The following SAE1 variants were observed in gnomAD, a reference collection of about 807,000 sequenced individuals.
SAE1 encodes the protein SUMO-activating enzyme subunit 1.
SAE1 carries 11 observed loss-of-function variants against 40.6 expected under a neutral mutation model. The ratio of observed to expected loss-of-function variants is 0.27; its 90% CI spans 0.17 to 0.45. The LOEUF (loss-of-function observed/expected upper bound fraction) is 0.45. Ranked by LOEUF, SAE1 falls within the 20% of genes least tolerant of loss-of-function variation. SAE1 has a pLI of 1.00. For synonymous variants in SAE1, 155 were observed against 154.3 expected, an observed-to-expected ratio of 1.00 and a Z score of -0.03; for missense variants, 373 against 427.3, an observed-to-expected ratio of 0.87 and a Z score of 1.12.
intron 5 of SAE1, among the ~76,000 whole-genome samples, chr19:47,159,562 T>C (rs2058345591): frequency 6.6e-6 from 1 of 152,036 alleles, no homozygotes; most frequent in Non-Finnish European, 1.5e-5. Context: ...TTTTTTTTTT[T>C]TTTCTTTGAA....
At chr19:47,206,351 A>C (rs2058686609) in intron 8 of SAE1, among the ~76,000 whole-genome samples, 1 of 152,220 alleles carries the variant, frequency 6.6e-6, no homozygotes, top group Admixed American at 6.6e-5. Flanking sequence ...GCCTTCAGCC[A>C]GCTGGCAGGC....
In SAE1 at chr19:47,209,594, G is replaced by A; in HGVS notation, c.*343G>A. The A allele has an allele frequency of 5.8e-6, 2 of 346,444 alleles. No individual in the cohort carries two copies. The highest frequency in any genetic ancestry group is 1.0e-5 in the Non-Finnish European group (2 of 190,792). The allele number at this position is 346,444 out of a possible 1,614,324, so 21.5% of individuals were successfully genotyped here. A position where few individuals can be genotyped will look rare whatever the true frequency, so the allele number is the denominator to read the frequency against. On this transcript the variant is annotated 3_prime_UTR_variant, in exon 9 of 9. Transcript: ENST00000270225. Reference sequence around the variant, plus strand: ...CTCGCCAGCCCTCTGGGGCATTGTGGGAGATGCCTGCCAGGAATGAGCAAG... The same window carrying A: ...CTCGCCAGCCCTCTGGGGCATTGTGAGAGATGCCTGCCAGGAATGAGCAAG...
intron 8 of SAE1, among the ~76,000 whole-genome samples, chr19:47,206,371 A>G (rs913220004): frequency 3.3e-5 from 5 of 152,208 alleles, no homozygotes; most frequent in Admixed American, 1.3e-4. Flanking sequence ...CGGGGCCTGC[A>G]GTCCAAGGGC....
At chr19:47,186,257 A>T (rs999137390) in intron 6 of SAE1, among the ~76,000 whole-genome samples, 14 of 151,830 alleles carry the variant, frequency 9.2e-5, no homozygotes, top group East Asian at 3.9e-4. Flanking sequence ...AAAATAAAAA[A>T]AAAATAATAA....
At chr19:47,170,696 C>T (rs543723532) in intron 6 of SAE1, among the ~76,000 whole-genome samples, 5 of 151,810 alleles carry the variant, frequency 3.3e-5, no homozygotes, top group African/African-American at 1.2e-4. Context: ...TTTGTAGAAG[C>T]GAAGTTTCTC....
At position 47,201,360 on chromosome 19, in the gene SAE1, C is replaced by CTTTTTTTTTTTTTTTTTTTTTTTTT. The variant is rs57568797; in HGVS notation, c.879-2306_879-2282dup. ...CTGCACCTGGCCTGTTATCTGGTTC[C>CTTTTTTTTTTTTTTTTTTTTTTTTT]TTTTTTTTTTTTTTTTTTTTTTTTT... On this transcript the variant is annotated intron_variant, in intron 7 of 8. Transcript: ENST00000270225. Among the ~76,000 whole-genome samples the CTTTTTTTTTTTTTTTTTTTTTTTTT allele has an allele frequency of 7.5e-5, 5 of 66,230 alleles. 1 individual carries two copies. The highest frequency in any genetic ancestry group is 2.2e-4 in the Admixed American group (1 of 4,510). 43.4% of individuals were successfully genotyped at this position (66,230 alleles called of 152,430 possible). A position where few individuals can be genotyped will look rare whatever the true frequency, so the allele number is the denominator to read the frequency against.
intron 6 of SAE1, among the ~76,000 whole-genome samples, chr19:47,181,344 A>G (rs923639642): frequency 6.6e-6 from 1 of 151,900 alleles, no homozygotes; most frequent in Admixed American, 6.6e-5. Flanking sequence ...AATAAAATAA[A>G]AAACAAATAA....
intron 6 of SAE1, among the ~76,000 whole-genome samples, chr19:47,173,210 GC>G (rs2058446092): frequency 6.6e-6 from 1 of 152,144 alleles, no homozygotes; most frequent in African/African-American, 2.4e-5. Flanking sequence ...TGTTGGCCAG[GC>G]TGGTCTCGAA....
chr19:47,176,245 C>T (rs1172503663), intron 6 of SAE1, among the ~76,000 whole-genome samples: 2 of 152,180 alleles, frequency 1.3e-5, no homozygotes, highest in Non-Finnish European at 2.9e-5. Context: ...GATGTACCGT[C>T]ATCTATGACC....
chr19:47,161,597 C>A (rs1171322711), intron 5 of SAE1, among the ~76,000 whole-genome samples: 1 of 152,100 alleles, frequency 6.6e-6, no homozygotes, highest in African/African-American at 2.4e-5. Flanking sequence ...TAAATCTAAA[C>A]AATGACATGG....
Position 47,131,093 on chromosome 19 carries a change from G to A in SAE1, c.98+65G>A, listed in dbSNP as rs557648651. ...GGGGCGTCTATTCTGAGGCGTTTGC[G>A]GCCCGGAAGGAGCGGGAAGGTGTGA... On this transcript the variant is annotated intron_variant, in intron 1 of 8. Coordinates refer to ENST00000270225, the MANE Select transcript of SAE1 (RefSeq NM_005500.3). The A allele has an allele frequency of 3.9e-5, 57 of 1,460,052 alleles. No individual in the cohort carries two copies. The South Asian group carries it at 7.7e-4, about 20-fold the overall frequency. The allele number at this position is 1,460,052 out of a possible 1,614,324, so 90.4% of individuals were successfully genotyped here.
chr19:47,155,540 A>G (rs1718375207), intron 5 of SAE1, among the ~76,000 whole-genome samples: 1 of 151,848 alleles, frequency 6.6e-6, no homozygotes, highest in Admixed American at 6.6e-5. Flanking sequence ...GGCTCACTAC[A>G]GCCTCCACCT....
chr19:47,189,269 A>G (rs2123293568), intron 6 of SAE1, among the ~76,000 whole-genome samples: 1 of 152,266 alleles, frequency 6.6e-6, no homozygotes, highest in Admixed American at 6.5e-5. Flanking sequence ...AAGTGAGCCA[A>G]CCTGGGGGCT....
chr19:47,155,028 G>A (rs545470613), intron 4 of SAE1, 86 bp from the exon 5 acceptor site: 89 of 830,734 alleles, frequency 1.1e-4, no homozygotes, highest in South Asian at 6.1e-4. Flanking sequence ...CCACCATCCC[G>A]ATCTGTGACC....
intron 6 of SAE1, among the ~76,000 whole-genome samples, chr19:47,184,125 A>G (rs1248323398): frequency 6.6e-6 from 1 of 152,170 alleles, no homozygotes; most frequent in Non-Finnish European, 1.5e-5. Flanking sequence ...AAGGAAAGGA[A>G]TAGAATATTG....
intron 7 of SAE1, among the ~76,000 whole-genome samples, chr19:47,198,510 A>G (rs1194010628): frequency 1.3e-5 from 2 of 152,138 alleles, no homozygotes; most frequent in African/African-American, 2.4e-5. Flanking sequence ...CAGTGCCTCC[A>G]GCTTGTAGCA....
At chr19:47,133,985 C>T (rs1218796747) in intron 1 of SAE1, among the ~76,000 whole-genome samples, 2 of 151,708 alleles carry the variant, frequency 1.3e-5, no homozygotes, top group Non-Finnish European at 2.9e-5. Context: ...GCCTCAGCCT[C>T]CCGAGTAGCT....
chr19:47,198,092 C>G (rs1011177536), intron 7 of SAE1, among the ~76,000 whole-genome samples: 2 of 151,984 alleles, frequency 1.3e-5, no homozygotes, highest in African/African-American at 2.4e-5. Flanking sequence ...CACATAGTGA[C>G]TAGGTCACAA....
At chr19:47,168,091 G>A (rs980592621) in intron 5 of SAE1, among the ~76,000 whole-genome samples, 1 of 152,112 alleles carries the variant, frequency 6.6e-6, no homozygotes, top group Non-Finnish European at 1.5e-5. Context: ...TACTGGGGGC[G>A]CTGAGGCACG....
Sources: gnomAD v4.1 joint callset for allele counts (sites outside exome capture counted in the v4.1 genomes callset) on GRCh38, gnomAD v4.1.1 for gene constraint, MANE v1.5 for transcripts, NCBI Gene and HGNC (gene_info 2026-07-23, HGNC 2026-07-21) for gene names.